Variants in OTUD5 observed in about 807,000 individuals in gnomAD.
OTUD5 encodes OTU deubiquitinase 5, also known as OTU domain-containing protein 5.
Under a neutral mutation model 36.3 loss-of-function variants are expected in OTUD5, and 2 were observed. The observed-to-expected ratio is 0.06, with a 90% CI of 0.02 to 0.17. The LOEUF (loss-of-function observed/expected upper bound fraction) is 0.17. Ranked by LOEUF, OTUD5 falls within the 10% of genes least tolerant of loss-of-function variation. The probability of loss-of-function intolerance (pLI) is 1.00; values close to 1 mark genes in which losing one functional copy is unlikely to be tolerated. For synonymous variants in OTUD5, 234 were observed against 214.9 expected (o/e 1.09, Z -0.78); for missense variants, 233 against 512.3 (o/e 0.45, Z 5.26).
At position 48,927,949 on chromosome X, in the gene OTUD5, G is replaced by A. The variant is rs193283246; in HGVS notation, c.1060-1899C>T. Among the ~76,000 whole-genome samples, 16 of 112,278 alleles carry A rather than the reference G, an allele frequency of 1.4e-4. No individual in the cohort carries two copies. The East Asian group carries it at 4.4e-3, about 31-fold the overall frequency. On this transcript the variant is annotated intron_variant, in intron 5 of 8. Transcript: ENST00000376488. ...ACTTTGCAGATTCTAAGGATTTTAG[G>A]AATTGTATGTCAGGAAGTCACAAAC...
intron 5 of OTUD5, among the ~76,000 whole-genome samples, chrX:48,934,087 GGC>G (rs2063796385): frequency 9.0e-6 from 1 of 111,523 alleles, no homozygotes; most frequent in Non-Finnish European, 1.9e-5. Context: ...TGAGTGGTGG[GGC>G]CAGGCCTGTA....
intron 2 of OTUD5, among the ~76,000 whole-genome samples, chrX:48,942,881 A>G (rs1250907578): frequency 1.8e-5 from 2 of 110,647 alleles, no homozygotes; most frequent in Admixed American, 9.7e-5. Context: ...CATTTTACAG[A>G]TGAGGAAACA....
chrX:48,949,207 G>T (rs2064086801), intron 1 of OTUD5, among the ~76,000 whole-genome samples: 1 of 111,814 alleles, frequency 8.9e-6, no homozygotes, highest in South Asian at 3.7e-4. Context: ...GCCACGCAAA[G>T]ATATCAAACC....
At chrX:48,957,636 G>C, upstream of OTUD5, 2 of 790,054 alleles carry the variant, frequency 2.5e-6, no homozygotes, top group Non-Finnish European at 3.1e-6. Flanking sequence ...ACCCGGATGA[G>C]GGGGCTAGTG....
At chrX:48,949,727 C>T (rs2064099359) in intron 1 of OTUD5, among the ~76,000 whole-genome samples, 1 of 110,640 alleles carries the variant, frequency 9.0e-6, no homozygotes, top group African/African-American at 3.3e-5. Context: ...GTGGCTCGCA[C>T]CTGTGGTCCC....
intron 2 of OTUD5, 145 bp downstream of exon 2, chrX:48,944,045 G>A (rs2063979886): frequency 4.6e-6 from 2 of 431,333 alleles, no homozygotes; most frequent in African/African-American, 2.5e-5. Flanking sequence ...ACGGCTAGAG[G>A]TCAGATACCA....
At chrX:48,924,436 G>A (rs1456020872) in intron 6 of OTUD5, among the ~76,000 whole-genome samples, 2 of 111,518 alleles carry the variant, frequency 1.8e-5, no homozygotes, top group Non-Finnish European at 3.8e-5. Flanking sequence ...ATGACTAGCA[G>A]GCAAGGCGAT....
intron 5 of OTUD5, among the ~76,000 whole-genome samples, chrX:48,928,826 CAAAAAA>C (rs782401982): frequency 1.6e-5 from 1 of 63,540 alleles, no homozygotes; most frequent in East Asian, 5.0e-4. Context: ...TACACTGTCT[CAAAAAA>C]AAAAAAAAAA....
intron 2 of OTUD5, among the ~76,000 whole-genome samples, chrX:48,935,961 A>AG (rs1569514759): frequency 1.7e-4 from 14 of 82,098 alleles, no homozygotes; most frequent in African/African-American, 5.9e-4. Flanking sequence ...AAAAAAAAAA[A>AG]GGGATAACCA....
chrX:48,926,589 G>A (rs2063670297), intron 5 of OTUD5, among the ~76,000 whole-genome samples: 1 of 111,373 alleles, frequency 9.0e-6, no homozygotes. Context: ...CTGACCTCAG[G>A]TGATCCACCC....
At position 48,924,093 on chromosome X, in the gene OTUD5, C is replaced by T. The variant is rs1557047158; in HGVS notation, c.1264-41G>A. On this transcript the variant is annotated intron_variant, in intron 6 of 8. Coordinates refer to ENST00000376488, the MANE Select transcript of OTUD5 (RefSeq NM_001136157.2). ...TAAATGCGTTAAGGACCACCAGCAGCCATGACCTTCTTGTGACCCATCCCT... is the reference window on the plus strand; with the variant it reads ...TAAATGCGTTAAGGACCACCAGCAGTCATGACCTTCTTGTGACCCATCCCT... The T allele has an allele frequency of 3.6e-6, 4 of 1,122,103 alleles. No homozygotes were observed. The South Asian group carries it at 5.8e-5, about 16-fold the overall frequency. The allele number at this position is 1,122,103 out of a possible 1,213,427, so 92.5% of individuals were successfully genotyped here.
rs2063597792 is a variant in OTUD5, at chrX:48,922,533, A to G, written c.*641T>C. ...GCTGGAGGCCAGAAGACAGCAACCC[A>G]TATCTTTGCACCCTCCTCCATGCCC... On this transcript the variant is annotated 3_prime_UTR_variant, in exon 9 of 9. Transcript: ENST00000376488. 1.3e-6 allele frequency: 1 copy of G among 755,112 alleles called. No homozygotes were observed. Among genetic ancestry groups the G allele is most frequent in the African/African-American group, 2.3e-5 (1 of 43,820 alleles). 62.2% of individuals were successfully genotyped at this position (755,112 alleles called of 1,213,427 possible). A position where few individuals can be genotyped will look rare whatever the true frequency, so the allele number is the denominator to read the frequency against.
rs943857384 is a variant in OTUD5 at position 48,922,765 on chromosome X, C to T, written c.*409G>A. ...CCCTGGCATCAGTGTCGGGGGGTGG[C>T]GGCAAGTTTTTCTCATCTTGGAAGG... is the stretch of plus-strand genomic sequence containing the variant. On this transcript the variant is annotated 3_prime_UTR_variant, in exon 9 of 9. Transcript: ENST00000376488. The T allele has an allele frequency of 2.6e-6, 2 of 763,048 alleles. No individual in the cohort carries two copies. The highest frequency in any genetic ancestry group is 3.1e-6 in the Non-Finnish European group (2 of 646,057). 62.9% of individuals were successfully genotyped at this position (763,048 alleles called of 1,213,427 possible).
Position 48,926,012 on chromosome X carries a change from T to C in OTUD5, c.1098A>G (p.Thr366=), listed in dbSNP as rs782356824. The C allele has an allele frequency of 6.6e-6, 8 of 1,210,629 alleles. No individual in the cohort carries two copies. The highest frequency in any genetic ancestry group is 8.9e-6 in the Non-Finnish European group (8 of 894,409). The change falls in exon 6 of 9, where the codon ACA becomes ACG. Residue 366 remains threonine (T), a synonymous_variant. Coordinates refer to ENST00000376488, the MANE Select transcript of OTUD5 (RefSeq NM_001136157.2). The part of the protein sequence containing the change: ...EQSLMKNAIK[T]SEESWIEQQM... Reference sequence around the variant, plus strand: ...GCTGTTCAATCCATGACTCCTCCGATGTTTTTATGGCATTCTTCATCAGAG... The same window carrying C: ...GCTGTTCAATCCATGACTCCTCCGACGTTTTTATGGCATTCTTCATCAGAG...
intron 5 of OTUD5, among the ~76,000 whole-genome samples, chrX:48,932,452 G>A (rs1176105817): frequency 9.1e-6 from 1 of 109,776 alleles, no homozygotes; most frequent in African/African-American, 3.3e-5. Context: ...GGCCTCCCAA[G>A]TAGCTCGGAT....
At chrX:48,951,499 C>T (rs1285183770) in intron 1 of OTUD5, among the ~76,000 whole-genome samples, 1 of 111,850 alleles carries the variant, frequency 8.9e-6, no homozygotes, top group African/African-American at 3.3e-5. Flanking sequence ...CCTGTAGTTC[C>T]AGCTACTCGG....
intron 1 of OTUD5, among the ~76,000 whole-genome samples, chrX:48,956,152 G>A (rs1436260271): frequency 8.9e-6 from 1 of 112,114 alleles, no homozygotes; most frequent in Non-Finnish European, 1.9e-5. Context: ...CCACTGATAG[G>A]AAATGCAGAC....
At position 48,924,005 on chromosome X, in the gene OTUD5, G is replaced by A. The variant is rs782770224; in HGVS notation, c.1311C>T (p.Ser437=). 21 of 1,207,267 alleles carry A rather than the reference G, an allele frequency of 1.7e-5. No homozygotes were observed. The South Asian group carries it at 3.5e-4, about 20-fold the overall frequency. The change falls in exon 7 of 9, where the codon TCC becomes TCT. Residue 437 remains serine (S), a synonymous_variant. Coordinates refer to ENST00000376488, the MANE Select transcript of OTUD5 (RefSeq NM_001136157.2). ...GGCTAGTCCACTCCTCCAGGCCACT[G>A]GAGGCTGCTGCTGTGGCCGAACTGC... The part of the protein sequence containing the change: ...ATCSSATAAA[S]SGLEEWTSRS...
chrX:48,928,839 A>AC lies in OTUD5; in HGVS notation c.1060-2790_1060-2789insG, dbSNP rs2063705274. On this transcript the variant is annotated intron_variant, in intron 5 of 8. Transcript: ENST00000376488. ...GATACACTGTCTCAAAAAAAAAAAA[A>AC]AAAAACAGTATGAAAAGGCTACATA... Among the ~76,000 whole-genome samples the AC allele has an allele frequency of 3.7e-5, 4 of 107,734 alleles. No homozygotes were observed. In the Admixed American group the frequency reaches 4.0e-4, roughly 11 times the overall value. 93.6% of individuals were successfully genotyped at this position (107,734 alleles called of 115,157 possible).
Sources: allele counts gnomAD v4.1 joint callset (sites outside exome capture counted in the v4.1 genomes callset), GRCh38; gene constraint gnomAD v4.1.1; transcripts MANE v1.5; gene names NCBI Gene and HGNC (gene_info 2026-07-23, HGNC 2026-07-21).